TRMT6: variants seen among roughly 807,000 people sequenced by gnomAD.
The protein encoded by TRMT6 is tRNA (adenine(58)-N(1))-methyltransferase non-catalytic subunit TRM6.
TRMT6 carries 34 observed loss-of-function variants against 59.0 expected under a neutral mutation model. The ratio of observed to expected loss-of-function variants is 0.58; its 90% confidence interval spans 0.44 to 0.77. The LOEUF (loss-of-function observed/expected upper bound fraction) is 0.77. Among genes scored for constraint, TRMT6 ranks in the 30% least tolerant of loss-of-function variants. TRMT6 has a pLI of 0.00. For synonymous variants in TRMT6, 217 were observed against 210.5 expected, an observed-to-expected ratio of 1.03 and a Z score of -0.27; for missense variants, 575 against 604.5, an observed-to-expected ratio of 0.95 and a Z score of 0.51.
chr20:5,947,916 T>A (rs1197524665), intron 1 of TRMT6, among the ~76,000 whole-genome samples: 1 of 152,128 alleles, frequency 6.6e-6, no homozygotes, highest in African/African-American at 2.4e-5. Context: ...CCAGGTGTAG[T>A]GGCACACACC....
At position 5,947,612 on chromosome 20, in the gene TRMT6, T is replaced by C. The variant is rs377416870; in HGVS notation, c.129-1079A>G. On this transcript the variant is annotated intron_variant, in intron 1 of 10. Transcript: ENST00000203001. ...GTGATTCAGATATGGCCAATTCTTG[T>C]TATTTGCTGGGTCCCTAGATACTTA... is the stretch of plus-strand genomic sequence containing the variant. Among the ~76,000 whole-genome samples, 105 of 152,354 alleles carry C rather than the reference T, an allele frequency of 6.9e-4. 1 individual carries two copies. The South Asian group carries it at 0.021, about 30-fold the overall frequency.
chr20:5,950,239 T>C, intron 1 of TRMT6, 39 bp downstream of exon 1: 1 of 1,514,272 alleles, frequency 6.6e-7, no homozygotes, highest in Non-Finnish European at 8.9e-7. Context: ...ATCTACAAGG[T>C]GGGGGCGGGA....
At chr20:5,944,418 T>C (rs1293652069) in intron 3 of TRMT6, among the ~76,000 whole-genome samples, 165 bp from the exon 4 acceptor site, 1 of 152,226 alleles carries the variant, frequency 6.6e-6, no homozygotes, top group African/African-American at 2.4e-5. Flanking sequence ...CTATTTGGAA[T>C]TTATAATAAA....
chr20:5,942,444 C>G lies in TRMT6; in HGVS notation c.1010G>C (p.Gly337Ala), dbSNP rs1471191714. The change falls in exon 7 of 11, where the codon GGA becomes GCA. Residue 337 changes from glycine (G) to alanine (A), a missense_variant. Gly to Ala is a moderately conservative substitution (Grantham distance 60). Transcript: ENST00000203001. ...CATCCTTACATAATCTTTTTTGCTT[C>G]CTCTCTCTTTAGGCCCCTTATGTTC... ...DPEHKGPKERGSKKDYIQEKQ... is the reference protein window; with the variant it reads ...DPEHKGPKERASKKDYIQEKQ... The G allele has an allele frequency of 4.3e-6, 7 of 1,612,966 alleles. No homozygotes were observed. Among genetic ancestry groups the G allele is most frequent in the East Asian group, 2.2e-5 (1 of 44,878 alleles).
intron 1 of TRMT6, among the ~76,000 whole-genome samples, 158 bp downstream of exon 1, chr20:5,950,120 T>C (rs182649269): frequency 6.6e-6 from 1 of 151,626 alleles, no homozygotes; most frequent in Non-Finnish European, 1.5e-5. Flanking sequence ...AAAAGCCTTC[T>C]GTGACAGAAA....
chr20:5,941,346 C>T lies in TRMT6; in HGVS notation c.1113-1G>A. Reference sequence around the variant, plus strand: ...GTGGAAACGACTAGCTACAATTAAACTGTAAGGAAAATGCCAGACAAATTA... The same window carrying T: ...GTGGAAACGACTAGCTACAATTAAATTGTAAGGAAAATGCCAGACAAATTA... On this transcript the variant is annotated splice_acceptor_variant, in intron 8 of 10. Coordinates refer to ENST00000203001, the MANE Select transcript of TRMT6 (RefSeq NM_015939.5). LOFTEE classifies it high-confidence loss of function. 2 of 1,611,826 alleles carry T rather than the reference C, an allele frequency of 1.2e-6. No homozygotes were observed. The highest frequency in any genetic ancestry group is 1.7e-6 in the Non-Finnish European group (2 of 1,178,216).
chr20:5,948,980 C>G (rs2088737725), intron 1 of TRMT6, among the ~76,000 whole-genome samples: 2 of 152,174 alleles, frequency 1.3e-5, no homozygotes, highest in Non-Finnish European at 2.9e-5. Context: ...AAATCTCATA[C>G]TTCCCAGTCT....
At chr20:5,948,930 TA>T (rs2088736813) in intron 1 of TRMT6, among the ~76,000 whole-genome samples, 3 of 152,062 alleles carry the variant, frequency 2.0e-5, no homozygotes, top group African/African-American at 7.2e-5. Context: ...AAACCAGGAG[TA>T]AAAGAATTCA....
intron 1 of TRMT6, among the ~76,000 whole-genome samples, chr20:5,949,766 G>GTAAT: frequency 6.6e-6 from 1 of 152,234 alleles, no homozygotes; most frequent in Admixed American, 6.5e-5. Context: ...CCTGACTGGG[G>GTAAT]GATTAGGGAA....
chr20:5,939,562 CAT>C (rs2088638907), intron 10 of TRMT6, among the ~76,000 whole-genome samples: 1 of 151,682 alleles, frequency 6.6e-6, no homozygotes. Flanking sequence ...GAAACTGAAG[CAT>C]GTTTCTGGCG....
Position 5,938,399 on chromosome 20 carries a change from T to C in TRMT6, c.*136A>G, listed in dbSNP as rs2088625509. The C allele has an allele frequency of 4.2e-6, 4 of 943,658 alleles. No homozygotes were observed. The highest frequency in any genetic ancestry group is 6.4e-6 in the Non-Finnish European group (4 of 628,370). 58.5% of individuals were successfully genotyped at this position (943,658 alleles called of 1,614,324 possible). On this transcript the variant is annotated 3_prime_UTR_variant, in exon 11 of 11. Coordinates refer to ENST00000203001, the MANE Select transcript of TRMT6 (RefSeq NM_015939.5). Reference sequence around the variant, plus strand: ...TCAGAAATAGACAAAAGGCATATACTCCTCCTTCCTAGAAACGGGTACATA... The same window carrying C: ...TCAGAAATAGACAAAAGGCATATACCCCTCCTTCCTAGAAACGGGTACATA...
intron 2 of TRMT6, among the ~76,000 whole-genome samples, chr20:5,945,971 TAA>T (rs2088702039): frequency 6.6e-6 from 1 of 152,140 alleles, no homozygotes; most frequent in African/African-American, 2.4e-5. Flanking sequence ...TATAAGGATA[TAA>T]GACTCACAGA....
At chr20:5,939,723 G>A (rs965415317) in intron 10 of TRMT6, among the ~76,000 whole-genome samples, 9 of 152,152 alleles carry the variant, frequency 5.9e-5, no homozygotes, top group African/African-American at 2.2e-4. Flanking sequence ...TCCCTTCCCC[G>A]CTACCCTGTT....
chr20:5,943,076 G>A (rs236177), intron 6 of TRMT6, among the ~76,000 whole-genome samples: 1 of 152,130 alleles, frequency 6.6e-6, no homozygotes, highest in African/African-American at 2.4e-5. Flanking sequence ...GATTGGTGAC[G>A]GACTCTGCTT....
chr20:5,950,190 G>A lies in TRMT6; in HGVS notation c.128+88C>T, dbSNP rs1437951795. The stretch of plus-strand genomic sequence containing the variant: ...CCGAGAGAGCCAAGAATGGCACCCT[G>A]GCGGAAGAATTCTGTGGAGAAACCT... On this transcript the variant is annotated intron_variant, in intron 1 of 10. Transcript: ENST00000203001. 2.8e-6 allele frequency: 4 copies of A among 1,411,180 alleles called. No homozygotes were observed. In the East Asian group the frequency reaches 7.8e-5, roughly 27 times the overall value. The allele number at this position is 1,411,180 out of a possible 1,614,324, so 87.4% of individuals were successfully genotyped here. A position where few individuals can be genotyped will look rare whatever the true frequency, so the allele number is the denominator to read the frequency against.
At chr20:5,948,852 C>T (rs749562642) in intron 1 of TRMT6, among the ~76,000 whole-genome samples, 4 of 152,126 alleles carry the variant, frequency 2.6e-5, no homozygotes, top group Non-Finnish European at 4.4e-5. Flanking sequence ...GCTTAGTGCT[C>T]TGGAGACTTG....
intron 1 of TRMT6, among the ~76,000 whole-genome samples, chr20:5,947,967 C>A (rs991314570): frequency 2.0e-5 from 3 of 152,170 alleles, no homozygotes; most frequent in African/African-American, 7.2e-5. Context: ...AGGAGGGTCA[C>A]TTGAATTCAG....
intron 8 of TRMT6, 156 bp downstream of exon 8, chr20:5,941,795 A>G: frequency 1.5e-6 from 1 of 666,578 alleles, no homozygotes. Flanking sequence ...CACCCCTGCC[A>G]GCCTCAGCCT....
intron 1 of TRMT6, among the ~76,000 whole-genome samples, chr20:5,948,171 T>G (rs1160926321): frequency 2.0e-5 from 3 of 151,840 alleles, no homozygotes; most frequent in Non-Finnish European, 2.9e-5. Context: ...CTGAGATGGG[T>G]GGGTTTACCT....
Sources: gnomAD v4.1 joint callset for allele counts (sites outside exome capture counted in the v4.1 genomes callset) on GRCh38, gnomAD v4.1.1 for gene constraint, MANE v1.5 for transcripts, NCBI Gene and HGNC (gene_info 2026-07-23, HGNC 2026-07-21) for gene names.